The following CADM1 variants were observed in gnomAD, a reference collection of about 807,000 sequenced individuals.
The protein encoded by CADM1 is TSLC-1.
In CADM1, 15 loss-of-function variants were observed where a neutral mutation model predicts 53.1. That is an observed-to-expected ratio of 0.28 (90% CI 0.19 to 0.44). The LOEUF (loss-of-function observed/expected upper bound fraction) is 0.44. Among genes scored for constraint, CADM1 ranks in the 20% least tolerant of loss-of-function variants. CADM1 has a pLI of 1.00. For synonymous variants in CADM1, 281 were observed against 243.0 expected (o/e 1.16, Z -1.45); for missense variants, 434 against 611.3 (o/e 0.71, Z 3.06).
At chr11:115,370,700 T>C (rs918106622) in intron 1 of CADM1, among the ~76,000 whole-genome samples, 7 of 152,146 alleles carry the variant, frequency 4.6e-5, no homozygotes, top group African/African-American at 9.7e-5. Context: ...TATGGTATCT[T>C]AATATGGCAG....
chr11:115,295,548 AT>A lies in CADM1; in HGVS notation c.125-55129del, dbSNP rs1565349527. 6.8e-4 allele frequency among the ~76,000 whole-genome samples: 38 copies of A among 55,602 alleles called. No individual in the cohort carries two copies. The East Asian group carries it at 0.012, about 18-fold the overall frequency. 36.5% of individuals were successfully genotyped at this position (55,602 alleles called of 152,430 possible). A position where few individuals can be genotyped will look rare whatever the true frequency, so the allele number is the denominator to read the frequency against. ...TATATATATATATATATATATATAT[AT>A]AATATATATGTATATGCACATATAT... On this transcript the variant is annotated intron_variant, in intron 1 of 11. Transcript: ENST00000331581.
In CADM1 at chr11:115,247,560, G is replaced by A. The variant is rs1046428897; in HGVS notation, c.125-7140C>T. Among the ~76,000 whole-genome samples, 10 of 152,292 alleles carry A rather than the reference G, an allele frequency of 6.6e-5. No homozygotes were observed. The South Asian group carries it at 2.1e-3, about 32-fold the overall frequency. Reference sequence around the variant, plus strand: ...GACAACCACAAGGGGGTTAAAGATGGAATTTCACCTTTAAGTCCAAAATGC... The same window carrying A: ...GACAACCACAAGGGGGTTAAAGATGAAATTTCACCTTTAAGTCCAAAATGC... On this transcript the variant is annotated intron_variant, in intron 1 of 11. Transcript: ENST00000331581.
At chr11:115,284,114 C>CTCTGTG (rs1351842329) in intron 1 of CADM1, among the ~76,000 whole-genome samples, 4 of 98,616 alleles carry the variant, frequency 4.1e-5, no homozygotes, top group African/African-American at 1.5e-4. Context: ...CTCTCTCTCT[C>CTCTGTG]TGTGTGTGTG....
chr11:115,461,505 C>T (rs537590314), intron 1 of CADM1, among the ~76,000 whole-genome samples: 2 of 152,204 alleles, frequency 1.3e-5, no homozygotes, highest in East Asian at 3.9e-4. Flanking sequence ...AAAGGAAGTC[C>T]GGATGTAGGC....
chr11:115,475,635 G>A (rs143764956), intron 1 of CADM1, among the ~76,000 whole-genome samples: 104 of 152,290 alleles, frequency 6.8e-4, no homozygotes, highest in South Asian at 2.5e-3. Flanking sequence ...TAACACTGAT[G>A]AATTTCAGAT....
chr11:115,400,376 G>A (rs1591780304), intron 1 of CADM1, among the ~76,000 whole-genome samples: 3 of 151,368 alleles, frequency 2.0e-5, no homozygotes, highest in South Asian at 2.1e-4. Flanking sequence ...AGTGAAAAAA[G>A]TATACATAGA....
intron 1 of CADM1, among the ~76,000 whole-genome samples, chr11:115,326,135 CA>C (rs1944952942): frequency 6.6e-6 from 1 of 152,098 alleles, no homozygotes; most frequent in African/African-American, 2.4e-5. Context: ...CTACAGGAAG[CA>C]GGTATTCTAT....
chr11:115,503,093 C>CTGCA (rs1191821458), intron 1 of CADM1, among the ~76,000 whole-genome samples: 1 of 152,144 alleles, frequency 6.6e-6, no homozygotes, highest in Non-Finnish European at 1.5e-5. Flanking sequence ...CGCCTGGAGC[C>CTGCA]TGCAGCAGGG....
chr11:115,225,858 C>T (rs920402526), intron 5 of CADM1, among the ~76,000 whole-genome samples: 1 of 151,900 alleles, frequency 6.6e-6, no homozygotes, highest in African/African-American at 2.4e-5. Flanking sequence ...CATGATCTGT[C>T]ATTTAACCCT....
intron 1 of CADM1, among the ~76,000 whole-genome samples, chr11:115,465,978 A>T (rs1948891801): frequency 6.6e-6 from 1 of 152,202 alleles, no homozygotes; most frequent in Non-Finnish European, 1.5e-5. Context: ...ACTTCCATGT[A>T]TTCAACCCAT....
At chr11:115,202,004 T>C (rs544881292) in intron 8 of CADM1, among the ~76,000 whole-genome samples, 16 of 152,288 alleles carry the variant, frequency 1.1e-4, no homozygotes, top group African/African-American at 3.8e-4. Flanking sequence ...AGCAATATTA[T>C]TTGAAAGATG....
intron 1 of CADM1, among the ~76,000 whole-genome samples, chr11:115,405,356 T>A (rs1487847691): frequency 1.3e-5 from 2 of 152,234 alleles, no homozygotes; most frequent in African/African-American, 4.8e-5. Flanking sequence ...GATACGAAGC[T>A]ATGAGAGTTC....
At chr11:115,364,135 C>T (rs1946098062) in intron 1 of CADM1, among the ~76,000 whole-genome samples, 1 of 152,166 alleles carries the variant, frequency 6.6e-6, no homozygotes, top group African/African-American at 2.4e-5. Flanking sequence ...TGAAGCAACA[C>T]ATGACTGTAT....
At chr11:115,498,912 G>A (rs1361976159) in intron 1 of CADM1, among the ~76,000 whole-genome samples, 11 of 152,184 alleles carry the variant, frequency 7.2e-5, no homozygotes, top group Admixed American at 7.2e-4. Context: ...AAAGGAAGAA[G>A]CACAGAGGGG....
intron 1 of CADM1, among the ~76,000 whole-genome samples, chr11:115,450,332 T>C (rs1452890746): frequency 6.6e-6 from 1 of 152,168 alleles, no homozygotes; most frequent in Non-Finnish European, 1.5e-5. Flanking sequence ...TCACTCCTAC[T>C]TATCTTTCTA....
At chr11:115,472,183 G>A (rs190742963) in intron 1 of CADM1, among the ~76,000 whole-genome samples, 133 of 152,316 alleles carry the variant, frequency 8.7e-4, no homozygotes, top group African/African-American at 2.9e-3. Flanking sequence ...AGGAGAAACG[G>A]AACTCAGTTT....
intron 1 of CADM1, among the ~76,000 whole-genome samples, chr11:115,389,426 T>C (rs745659347): frequency 1.3e-5 from 2 of 152,230 alleles, no homozygotes; most frequent in African/African-American, 2.4e-5. Context: ...AAAAGTCATA[T>C]GTGCAAAGAT....
At chr11:115,268,590 G>A (rs1943209768) in intron 1 of CADM1, among the ~76,000 whole-genome samples, 1 of 152,176 alleles carries the variant, frequency 6.6e-6, no homozygotes, top group African/African-American at 2.4e-5. Context: ...TCAGTGCTCT[G>A]GAAGCACTAT....
chr11:115,199,359 GT>G (rs544854329), intron 8 of CADM1, among the ~76,000 whole-genome samples: 1 of 152,054 alleles, frequency 6.6e-6, no homozygotes, highest in African/African-American at 2.4e-5. Context: ...TTTTGTTTTT[GT>G]TTTTTTCTTT....
Sources: gnomAD v4.1 joint callset for allele counts (sites outside exome capture counted in the v4.1 genomes callset) on GRCh38, gnomAD v4.1.1 for gene constraint, MANE v1.5 for transcripts, NCBI Gene and HGNC (gene_info 2026-07-23, HGNC 2026-07-21) for gene names.